The following PRKN variants were observed in gnomAD, a reference collection of about 807,000 sequenced individuals.
PRKN encodes E3 ubiquitin-protein ligase parkin.
PRKN carries 56 observed loss-of-function variants against 59.5 expected under a neutral mutation model. The observed-to-expected ratio is 0.94, with a 90% CI of 0.76 to 1.18. PRKN has a LOEUF of 1.18. Among genes scored for constraint, PRKN ranks in the 50% most tolerant of loss-of-function variants. The pLI is 0.00. For missense variants in PRKN, 657 were observed against 596.4 expected, an observed-to-expected ratio of 1.10 and a Z score of -1.06; for synonymous variants, 250 against 222.1, an observed-to-expected ratio of 1.13 and a Z score of -1.12.
chr6:161,929,396 T>C (rs544124344), intron 6 of PRKN, among the ~76,000 whole-genome samples: 3 of 152,206 alleles, frequency 2.0e-5, no homozygotes, highest in East Asian at 3.9e-4. Flanking sequence ...TGGAGTATTA[T>C]TTTGGGGTGA....
intron 2 of PRKN, 139 bp downstream of exon 2, chr6:162,443,171 A>C (rs1279080097): frequency 2.5e-6 from 2 of 788,536 alleles, no homozygotes; most frequent in African/African-American, 3.5e-5. Context: ...TTAATGAAGC[A>C]GTGTGGAGTA....
intron 7 of PRKN, among the ~76,000 whole-genome samples, chr6:161,774,745 C>T (rs977332765): frequency 1.3e-5 from 2 of 152,192 alleles, no homozygotes; most frequent in African/African-American, 2.4e-5. Context: ...TCAGCCACTG[C>T]GATTCCAGTG....
intron 4 of PRKN, among the ~76,000 whole-genome samples, chr6:162,192,516 G>A (rs779184732): frequency 2.9e-4 from 35 of 120,930 alleles, no homozygotes; most frequent in African/African-American, 8.7e-4. Context: ...GTGGTGGCAT[G>A]ATCATGGCTC....
At chr6:162,169,070 T>G (rs1783132288) in intron 4 of PRKN, among the ~76,000 whole-genome samples, 1 of 152,170 alleles carries the variant, frequency 6.6e-6, no homozygotes, top group African/African-American at 2.4e-5. Flanking sequence ...AACTGAGCTG[T>G]GCTGAAGACT....
intron 4 of PRKN, among the ~76,000 whole-genome samples, chr6:162,089,165 G>T (rs1779372356): frequency 6.6e-6 from 1 of 152,086 alleles, no homozygotes; most frequent in South Asian, 2.1e-4. Flanking sequence ...AAAAACCTCT[G>T]TCCAGAATAT....
At chr6:161,781,391 C>A (rs370273371) in intron 7 of PRKN, among the ~76,000 whole-genome samples, 1 of 152,228 alleles carries the variant, frequency 6.6e-6, no homozygotes, top group African/African-American at 2.4e-5. Context: ...ATCCATTCAT[C>A]CCTGCCTCAC....
At chr6:161,813,200 G>C (rs1185668822) in intron 6 of PRKN, among the ~76,000 whole-genome samples, 1 of 152,266 alleles carries the variant, frequency 6.6e-6, no homozygotes, top group African/African-American at 2.4e-5. Flanking sequence ...GAGAGGCTTA[G>C]CTTGTGGGAG....
At chr6:162,302,278 T>TACACACACACACACACACACAC (rs1562653351) in intron 2 of PRKN, among the ~76,000 whole-genome samples, 1 of 152,050 alleles carries the variant, frequency 6.6e-6, no homozygotes, top group African/African-American at 2.4e-5. Flanking sequence ...TCCTATTGTG[T>TACACACACACACACACACACAC]ATGAGAGGAA....
chr6:162,229,240 C>T (rs973082069), intron 3 of PRKN, among the ~76,000 whole-genome samples: 1 of 152,064 alleles, frequency 6.6e-6, no homozygotes, highest in African/African-American at 2.4e-5. Context: ...CTCCCCCATC[C>T]CAACAAAAAC....
At chr6:162,267,354 T>G (rs1437705684) in intron 2 of PRKN, 1 of 151,920 alleles carries the variant, frequency 6.6e-6, no homozygotes. Context: ...CCATGGACAG[T>G]ACATTGGATA....
At chr6:161,706,936 T>C (rs764527679) in intron 7 of PRKN, among the ~76,000 whole-genome samples, 23 of 152,168 alleles carry the variant, frequency 1.5e-4, no homozygotes, top group Non-Finnish European at 2.8e-4. Flanking sequence ...TGTTTAACAA[T>C]AATTAGGAAA....
intron 7 of PRKN, among the ~76,000 whole-genome samples, chr6:161,771,396 A>AAAAAAT (rs1562671030): frequency 2.0e-5 from 3 of 148,390 alleles, no homozygotes; most frequent in African/African-American, 7.6e-5. Context: ...ATAAAATAAA[A>AAAAAAT]TAAAAGCACT....
At chr6:161,654,907 G>A (rs1049179457) in intron 7 of PRKN, among the ~76,000 whole-genome samples, 2 of 152,196 alleles carry the variant, frequency 1.3e-5, no homozygotes, top group African/African-American at 4.8e-5. Flanking sequence ...CCCAGATCCT[G>A]GAAGACAGGG....
intron 3 of PRKN, among the ~76,000 whole-genome samples, chr6:162,223,427 T>C (rs2128081885): frequency 6.6e-6 from 1 of 152,160 alleles, no homozygotes; most frequent in South Asian, 2.1e-4. Context: ...AATAGCACTA[T>C]TAGTAGCAGC....
chr6:161,492,834 G>C (rs9347516), intron 9 of PRKN, among the ~76,000 whole-genome samples: 67,080 of 152,104 alleles, frequency 0.44, 16,571 homozygotes, highest in Middle Eastern at 0.59. Context: ...GATGAACGTG[G>C]TGTTCCCAGT....
intron 1 of PRKN, among the ~76,000 whole-genome samples, chr6:162,497,767 C>A (rs953150794): frequency 6.6e-6 from 1 of 152,022 alleles, no homozygotes; most frequent in Non-Finnish European, 1.5e-5. Context: ...CTACGAAAAG[C>A]ATAAGGGGGG....
At chr6:162,463,171 T>C (rs1562783477) in intron 1 of PRKN, among the ~76,000 whole-genome samples, 1 of 152,162 alleles carries the variant, frequency 6.6e-6, no homozygotes, top group Non-Finnish European at 1.5e-5. Flanking sequence ...TTGTATTAAA[T>C]CATTTAACTC....
At chr6:161,923,808 T>A (rs1325352811) in intron 6 of PRKN, among the ~76,000 whole-genome samples, 1 of 152,174 alleles carries the variant, frequency 6.6e-6, no homozygotes, top group African/African-American at 2.4e-5. Context: ...TGGTGCAGAT[T>A]CTGAATGGAA....
At chr6:162,635,833 C>T (rs1458995996) in intron 1 of PRKN, among the ~76,000 whole-genome samples, 2 of 152,030 alleles carry the variant, frequency 1.3e-5, no homozygotes, top group Non-Finnish European at 2.9e-5. Context: ...TCACATGATT[C>T]GCTTCCGGTT....
Sources: allele counts gnomAD v4.1 joint callset (sites outside exome capture counted in the v4.1 genomes callset), GRCh38; gene constraint gnomAD v4.1.1; transcripts MANE v1.5; gene names NCBI Gene and HGNC (gene_info 2026-07-23, HGNC 2026-07-21).